CYYR1: variants seen among roughly 807,000 people sequenced by gnomAD.
The protein encoded by CYYR1 is cysteine and tyrosine-rich protein 1.
A neutral mutation model predicts 15.2 loss-of-function variants in CYYR1; 14 were observed. That is an observed-to-expected ratio of 0.92 (90% CI 0.61 to 1.44). The LOEUF (loss-of-function observed/expected upper bound fraction) is 1.44, where lower values mean the gene tolerates loss of function less well. CYYR1 is among the 40% of genes most tolerant of loss of function. The pLI is 0.00. For synonymous variants in CYYR1, 80 were observed against 77.4 expected, an observed-to-expected ratio of 1.03 and a Z score of -0.18; for missense variants, 228 against 209.5, an observed-to-expected ratio of 1.09 and a Z score of -0.54.
chr21:26,489,013 C>G (rs372928097), intron 2 of CYYR1, among the ~76,000 whole-genome samples: 40 of 152,258 alleles, frequency 2.6e-4, no homozygotes, highest in African/African-American at 9.1e-4. Flanking sequence ...GCCAAAATTG[C>G]TATACAGTTT....
chr21:26,565,220 C>T (rs2830284), intron 2 of CYYR1, among the ~76,000 whole-genome samples: 62,341 of 151,888 alleles, frequency 0.41, 15,312 homozygotes, highest in African/African-American at 0.7. Flanking sequence ...ACACTGATTC[C>T]AGAAAGTTTA....
intron 1 of CYYR1, among the ~76,000 whole-genome samples, chr21:26,566,917 G>A (rs1242233112): frequency 1.3e-5 from 2 of 151,184 alleles, no homozygotes; most frequent in East Asian, 2.0e-4. Context: ...GCTGAGGCAG[G>A]AGAATTACTT....
At chr21:26,487,419 C>T (rs1438529780) in intron 2 of CYYR1, among the ~76,000 whole-genome samples, 1 of 152,114 alleles carries the variant, frequency 6.6e-6, no homozygotes, top group Non-Finnish European at 1.5e-5. Context: ...ATTCCTACTA[C>T]AGCGCTGAAA....
rs983619532 is a variant in CYYR1 at position 26,513,217 on chromosome 21, T to C, written c.177-32788A>G. 6.6e-5 allele frequency among the ~76,000 whole-genome samples: 10 copies of C among 152,356 alleles called. 1 individual carries two copies. In the East Asian group the frequency reaches 1.2e-3, roughly 18 times the overall value. Reference sequence around the variant, plus strand: ...GGTGCTTTGTACTTCCCTAACACACTTACCATATTCTGCCTTGTACGATCC... The same window carrying C: ...GGTGCTTTGTACTTCCCTAACACACCTACCATATTCTGCCTTGTACGATCC... On this transcript the variant is annotated intron_variant, in intron 2 of 3. Coordinates refer to ENST00000652641, the MANE Select transcript of CYYR1 (RefSeq NM_001320768.2).
chr21:26,558,636 T>C (rs1035548430), intron 2 of CYYR1, among the ~76,000 whole-genome samples: 4 of 152,218 alleles, frequency 2.6e-5, no homozygotes, highest in Non-Finnish European at 5.9e-5. Flanking sequence ...AATTCATTGG[T>C]ACTCTTCTCT....
Position 26,531,873 on chromosome 21 carries a change from C to A in CYYR1, c.176+34393G>T, listed in dbSNP as rs1475564667. On this transcript the variant is annotated intron_variant, in intron 2 of 3. Coordinates refer to ENST00000652641, the MANE Select transcript of CYYR1 (RefSeq NM_001320768.2). ...GGTGTGAATGTGGAAAGTTTTCAAACCTTTAAGGTTTGAAAAAAGTTCAGC... is the reference window on the plus strand; with the variant it reads ...GGTGTGAATGTGGAAAGTTTTCAAAACTTTAAGGTTTGAAAAAAGTTCAGC... 2.6e-5 allele frequency among the ~76,000 whole-genome samples: 4 copies of A among 151,986 alleles called. No individual in the cohort carries two copies. The East Asian group carries it at 7.7e-4, about 29-fold the overall frequency.
At chr21:26,530,610 C>T (rs1003675894) in intron 2 of CYYR1, among the ~76,000 whole-genome samples, 3 of 152,094 alleles carry the variant, frequency 2.0e-5, no homozygotes, top group Non-Finnish European at 4.4e-5. Flanking sequence ...TATCCCTCCC[C>T]TATCCCCCAA....
At chr21:26,517,649 G>A (rs749790431) in intron 2 of CYYR1, among the ~76,000 whole-genome samples, 16 of 152,054 alleles carry the variant, frequency 1.1e-4, no homozygotes, top group African/African-American at 2.4e-4. Flanking sequence ...TCCATCTCCC[G>A]GATTCAAGTG....
At chr21:26,559,186 A>C (rs1039101922) in intron 2 of CYYR1, among the ~76,000 whole-genome samples, 1 of 152,080 alleles carries the variant, frequency 6.6e-6, no homozygotes, top group Non-Finnish European at 1.5e-5. Flanking sequence ...TCAATGTTTT[A>C]AGTTGGTTTG....
At chr21:26,522,464 A>G (rs1271912300) in intron 2 of CYYR1, among the ~76,000 whole-genome samples, 1 of 152,180 alleles carries the variant, frequency 6.6e-6, no homozygotes, top group Non-Finnish European at 1.5e-5. Context: ...ATTTAGGGAG[A>G]ATGCTCTCCC....
At chr21:26,555,836 A>G (rs1202678026) in intron 2 of CYYR1, among the ~76,000 whole-genome samples, 1 of 152,162 alleles carries the variant, frequency 6.6e-6, no homozygotes, top group Non-Finnish European at 1.5e-5. Context: ...CTTCCAACAT[A>G]ATGGAATAAA....
At chr21:26,569,777 C>T (rs1359985254) in intron 1 of CYYR1, among the ~76,000 whole-genome samples, 1 of 152,168 alleles carries the variant, frequency 6.6e-6, no homozygotes, top group Non-Finnish European at 1.5e-5. Context: ...GATTCAATTG[C>T]TACCGTTGCA....
chr21:26,554,076 C>T (rs1239981667), intron 2 of CYYR1, among the ~76,000 whole-genome samples: 1 of 152,166 alleles, frequency 6.6e-6, no homozygotes, highest in Admixed American at 6.6e-5. Context: ...TTAAGTCTTA[C>T]AAGTCTTGAC....
intron 2 of CYYR1, among the ~76,000 whole-genome samples, chr21:26,512,184 A>C (rs1349501703): frequency 6.6e-6 from 1 of 151,760 alleles, no homozygotes; most frequent in East Asian, 1.9e-4. Flanking sequence ...TATCGTTCAC[A>C]TTCAGTCCCT....
At position 26,478,686 on chromosome 21, in the gene CYYR1, A is replaced by G. The variant is rs528775107; in HGVS notation, c.334+1586T>C. Reference sequence around the variant, plus strand: ...ACTCTGGCTACTGGGTTGAGAATAGACCCCAGGGGGCAAAGGGTGGATGCT... The same window carrying G: ...ACTCTGGCTACTGGGTTGAGAATAGGCCCCAGGGGGCAAAGGGTGGATGCT... On this transcript the variant is annotated intron_variant, in intron 3 of 3. Coordinates refer to ENST00000652641, the MANE Select transcript of CYYR1 (RefSeq NM_001320768.2). 5.9e-5 allele frequency among the ~76,000 whole-genome samples: 9 copies of G among 152,122 alleles called. No homozygotes were observed. The East Asian group carries it at 1.7e-3, about 29-fold the overall frequency.
At chr21:26,490,785 T>C (rs1307412958) in intron 2 of CYYR1, among the ~76,000 whole-genome samples, 2 of 152,162 alleles carry the variant, frequency 1.3e-5, no homozygotes, top group East Asian at 1.9e-4. Flanking sequence ...CGGAGCTGAG[T>C]AGATTGCAAT....
At chr21:26,542,292 T>C (rs28531715) in intron 2 of CYYR1, among the ~76,000 whole-genome samples, 6,904 of 65,248 alleles carry the variant, frequency 0.11, 227 homozygotes, top group African/African-American at 0.18. Flanking sequence ...TGTGTGTGCG[T>C]GTGTGTGTGT....
chr21:26,476,302 G>C (rs2065102263), intron 3 of CYYR1, among the ~76,000 whole-genome samples: 1 of 152,018 alleles, frequency 6.6e-6, no homozygotes, highest in South Asian at 2.1e-4. Flanking sequence ...ACACTCAAAG[G>C]TCCATGATCT....
At chr21:26,523,292 C>G (rs1275471505) in intron 2 of CYYR1, among the ~76,000 whole-genome samples, 1 of 152,132 alleles carries the variant, frequency 6.6e-6, no homozygotes, top group Non-Finnish European at 1.5e-5. Flanking sequence ...TATGCCTGTG[C>G]TGTTATCTGA....
Sources: allele counts gnomAD v4.1 joint callset (sites outside exome capture counted in the v4.1 genomes callset), GRCh38; gene constraint gnomAD v4.1.1; transcripts MANE v1.5; gene names NCBI Gene and HGNC (gene_info 2026-07-23, HGNC 2026-07-21).